The following LHX8 variants were observed in gnomAD, a reference collection of about 807,000 sequenced individuals.
LHX8 encodes the protein LIM/homeobox protein Lhx8.
In LHX8, 12 loss-of-function variants were observed where a neutral mutation model predicts 40.3. The observed-to-expected ratio is 0.30, with a 90% CI of 0.19 to 0.48. The LOEUF is 0.48. Ranked by LOEUF, LHX8 falls within the 20% of genes least tolerant of loss-of-function variation. The pLI, the probability that LHX8 is intolerant of heterozygous loss-of-function variation, is 0.99. For synonymous variants in LHX8, 179 were observed against 162.0 expected, an observed-to-expected ratio of 1.10 and a Z score of -0.80; for missense variants, 344 against 433.7, an observed-to-expected ratio of 0.79 and a Z score of 1.84.
At chr1:75,191,357 G>A in the LHX8 span, among the ~76,000 whole-genome samples, 3 of 152,114 alleles carry the variant, frequency 2.0e-5, no homozygotes, top group Non-Finnish European at 4.4e-5. Flanking sequence ...CCTTGCCTCT[G>A]CACCCCACCC....
chr1:75,196,581 C>T, the LHX8 span, among the ~76,000 whole-genome samples: 2 of 152,026 alleles, frequency 1.3e-5, no homozygotes, highest in East Asian at 1.9e-4. Context: ...AAACCTAATG[C>T]TTGGCTCAGT....
upstream of LHX8, chr1:75,130,300 G>A: frequency 4.3e-6 from 1 of 232,502 alleles, no homozygotes; most frequent in South Asian, 7.9e-5. Context: ...CGGCTGGAAA[G>A]AAACACCGAG....
Position 75,137,159 on chromosome 1 carries a change from G to T in LHX8, c.135G>T (p.Pro45=). 6.2e-7 allele frequency: 1 copy of T among 1,612,970 alleles called. No individual in the cohort carries two copies. The highest frequency in any genetic ancestry group is 1.3e-5 in the African/African-American group (1 of 75,036). ...DSCSSSAPLS[P]SSSPRSMASG... is the part of the protein sequence containing the mutation. ...GCTCCTCCTCGGCCCCGCTGTCCCCGTCGTCCTCGCCCCGGTCCATGGCCT... is the reference window on the plus strand; with the variant it reads ...GCTCCTCCTCGGCCCCGCTGTCCCCTTCGTCCTCGCCCCGGTCCATGGCCT... Residue 45 remains proline (P), a synonymous_variant, in exon 3 of 9, where the codon CCG becomes CCT. Transcript: ENST00000356261.
At chr1:75,186,184 A>T in the LHX8 span, among the ~76,000 whole-genome samples, 1 of 152,314 alleles carries the variant, frequency 6.6e-6, no homozygotes, top group South Asian at 2.1e-4. Context: ...AGAACTAGAA[A>T]AAAACGATTT....
At chr1:75,179,502 G>T in the LHX8 span, among the ~76,000 whole-genome samples, 14,966 of 110,236 alleles carry the variant, frequency 0.14, 1,582 homozygotes, top group Middle Eastern at 0.26. Flanking sequence ...AACCCCTGTT[G>T]TTTTTTTTTT....
In LHX8 at chr1:75,134,499, A is replaced by G. The variant is rs1190264189; in HGVS notation, c.-468A>G. On this transcript the variant is annotated 5_prime_UTR_variant, in exon 1 of 9. Coordinates refer to ENST00000356261, the MANE Select transcript of LHX8 (RefSeq NM_001256114.2). ...CTTTGGACGAAGACACACTTGTAGC[A>G]TTATCCTTCTCGGCATCAGCTTTTA... Among the ~76,000 whole-genome samples the G allele has an allele frequency of 6.8e-6, 1 of 147,782 alleles. No individual in the cohort carries two copies. The highest frequency in any genetic ancestry group is 2.0e-4 in the East Asian group (1 of 5,044).
intron 6 of LHX8, among the ~76,000 whole-genome samples, chr1:75,147,509 C>G (rs555313231): frequency 6.6e-6 from 1 of 152,138 alleles, no homozygotes; most frequent in Non-Finnish European, 1.5e-5. Context: ...AGTGCAGTGG[C>G]AGAAGATAGC....
At chr1:75,144,747 A>G (rs1026359833) in intron 6 of LHX8, among the ~76,000 whole-genome samples, 3 of 152,128 alleles carry the variant, frequency 2.0e-5, no homozygotes, top group Non-Finnish European at 4.4e-5. Flanking sequence ...CATGTTAAGG[A>G]AAAGTAACAT....
the LHX8 span, among the ~76,000 whole-genome samples, chr1:75,193,652 C>A: frequency 6.6e-6 from 1 of 152,176 alleles, no homozygotes; most frequent in Non-Finnish European, 1.5e-5. Flanking sequence ...TAAATAAAAT[C>A]TCTTCACAAT....
intron 7 of LHX8, among the ~76,000 whole-genome samples, chr1:75,149,830 G>T (rs1220736301): frequency 6.6e-6 from 1 of 152,154 alleles, no homozygotes; most frequent in Admixed American, 6.6e-5. Flanking sequence ...TATTGGCAAT[G>T]AGCCACCATG....
At chr1:75,138,379 A>G (rs1648212144) in intron 3 of LHX8, among the ~76,000 whole-genome samples, 1 of 152,164 alleles carries the variant, frequency 6.6e-6, no homozygotes, top group Non-Finnish European at 1.5e-5. Context: ...AAGCTTCTTC[A>G]TCTGTAAAAT....
At chr1:75,198,011 TG>T in the LHX8 span, among the ~76,000 whole-genome samples, 2 of 152,216 alleles carry the variant, frequency 1.3e-5, no homozygotes, top group East Asian at 3.8e-4. Flanking sequence ...ACATTCAATT[TG>T]CCAACTTCAC....
the LHX8 span, among the ~76,000 whole-genome samples, chr1:75,191,127 CT>C: frequency 6.6e-6 from 1 of 151,864 alleles, no homozygotes; most frequent in South Asian, 2.1e-4. Context: ...AGCCCTTCCC[CT>C]GACACTCCTC....
chr1:75,160,961 T>G lies in LHX8; in HGVS notation c.*66T>G. The G allele has an allele frequency of 1.7e-6, 2 of 1,184,934 alleles. No homozygotes were observed. Among genetic ancestry groups the G allele is most frequent in the Non-Finnish European group, 2.5e-6 (2 of 791,968 alleles). The allele number at this position is 1,184,934 out of a possible 1,614,324, so 73.4% of individuals were successfully genotyped here. Reference sequence around the variant, plus strand: ...GTCATTTATTATGTATAAAATACCATTGAAAAGATATTACTGTTAATTTTT... The same window carrying G: ...GTCATTTATTATGTATAAAATACCAGTGAAAAGATATTACTGTTAATTTTT... On this transcript the variant is annotated 3_prime_UTR_variant, in exon 9 of 9. Transcript: ENST00000356261.
At chr1:75,162,345 G>A (rs1223906534), downstream of LHX8, among the ~76,000 whole-genome samples, 1 of 151,926 alleles carries the variant, frequency 6.6e-6, no homozygotes, top group African/African-American at 2.4e-5. Flanking sequence ...AATCTCTGTG[G>A]GTTTTTGTCT....
intron 1 of LHX8, 108 bp downstream of exon 1, chr1:75,135,062 G>C: frequency 2.7e-6 from 1 of 371,390 alleles, no homozygotes; most frequent in Non-Finnish European, 3.7e-6. Context: ...GGCTCGTTTC[G>C]TTCGGCTGCC....
chr1:75,142,063 T>G (rs1648327731), intron 4 of LHX8, among the ~76,000 whole-genome samples: 1 of 152,160 alleles, frequency 6.6e-6, no homozygotes, highest in Non-Finnish European at 1.5e-5. Context: ...TTTTCATTAC[T>G]TCAATATTGG....
At chr1:75,186,181 G>GA in the LHX8 span, among the ~76,000 whole-genome samples, 1 of 151,952 alleles carries the variant, frequency 6.6e-6, no homozygotes, top group Non-Finnish European at 1.5e-5. Context: ...CATAGAACTA[G>GA]AAAAAAACGA....
the LHX8 span, among the ~76,000 whole-genome samples, chr1:75,198,571 T>C: frequency 7.3e-5 from 11 of 151,332 alleles, no homozygotes; most frequent in East Asian, 1.9e-3. Context: ...CAGGGTGACG[T>C]TGGAAAGCTC....
Sources: allele counts gnomAD v4.1 joint callset (sites outside exome capture counted in the v4.1 genomes callset), GRCh38; gene constraint gnomAD v4.1.1; transcripts MANE v1.5; gene names NCBI Gene and HGNC (gene_info 2026-07-23, HGNC 2026-07-21).